Variants in VIRMA observed in about 807,000 individuals in gnomAD.
VIRMA encodes the protein vir like m6A methyltransferase associated.
A neutral mutation model predicts 182.4 loss-of-function variants in VIRMA; 65 were observed. The ratio of observed to expected loss-of-function variants is 0.36; its 90% confidence interval spans 0.29 to 0.44. The LOEUF (loss-of-function observed/expected upper bound fraction) is 0.44, where lower values mean the gene tolerates loss of function less well. VIRMA is among the 20% of genes least tolerant of loss of function. The pLI, the probability that VIRMA is intolerant of heterozygous loss-of-function variation, is 1.00. For synonymous variants in VIRMA, 709 were observed against 743.1 expected, an observed-to-expected ratio of 0.95 and a Z score of 0.75; for missense variants, 1,752 against 2,158.1, an observed-to-expected ratio of 0.81 and a Z score of 3.73.
intron 3 of VIRMA, 85 bp downstream of exon 3, chr8:94,538,175 C>G (rs568514477): frequency 1.1e-5 from 10 of 896,392 alleles, no homozygotes; most frequent in South Asian, 1.1e-4. Flanking sequence ...GCAGATACAT[C>G]CTTTTCTTCT....
In VIRMA at chr8:94,506,350, T is replaced by A. The variant is rs373850973; in HGVS notation, c.4097+150A>T. 8.7e-6 allele frequency: 5 copies of A among 576,850 alleles called. No homozygotes were observed. The Admixed American group carries it at 9.7e-5, about 11-fold the overall frequency. The allele number at this position is 576,850 out of a possible 1,614,324, so 35.7% of individuals were successfully genotyped here. ...TATTAGCATGACCTTTCATTGCTAA[T>A]TAATCTTTTCCATACACACAAAATT... On this transcript the variant is annotated intron_variant, in intron 16 of 23. Coordinates refer to ENST00000297591, the MANE Select transcript of VIRMA (RefSeq NM_015496.5).
chr8:94,531,405 T>C (rs1815168052), intron 5 of VIRMA, among the ~76,000 whole-genome samples: 1 of 152,176 alleles, frequency 6.6e-6, no homozygotes, highest in African/African-American at 2.4e-5. Flanking sequence ...AAAAATACTT[T>C]TCATCACTGG....
chr8:94,532,782 T>C (rs1359350770), intron 5 of VIRMA, among the ~76,000 whole-genome samples: 2 of 151,912 alleles, frequency 1.3e-5, no homozygotes, highest in African/African-American at 4.8e-5. Flanking sequence ...TTGGGCAACA[T>C]AGTGAGACCC....
intron 17 of VIRMA, chr8:94,496,972 T>G (rs1813801969): frequency 6.6e-6 from 1 of 152,364 alleles, no homozygotes; most frequent in Non-Finnish European, 1.5e-5. Flanking sequence ...GTGATAACAT[T>G]TCAATACCAG....
At chr8:94,499,265 T>G (rs762825679) in intron 17 of VIRMA, 109 bp downstream of exon 17, 1 of 715,886 alleles carries the variant, frequency 1.4e-6, no homozygotes, top group African/African-American at 1.8e-5. Flanking sequence ...CCCACCAGAG[T>G]GCTGAGATTA....
intron 7 of VIRMA, 94 bp downstream of exon 7, chr8:94,528,976 T>C: frequency 2.6e-6 from 4 of 1,520,140 alleles, no homozygotes; most frequent in Non-Finnish European, 3.6e-6. Flanking sequence ...TTGGAACCCA[T>C]TTATCTTTGC....
At chr8:94,508,522 G>A (rs1383957150) in intron 15 of VIRMA, among the ~76,000 whole-genome samples, 1 of 152,118 alleles carries the variant, frequency 6.6e-6, no homozygotes. Context: ...ACAGCAAAGT[G>A]AGGCCATCAA....
rs1473949708 is a variant in VIRMA, at chr8:94,511,672, C to A, written c.2903G>T (p.Gly968Val). The A allele has an allele frequency of 6.2e-7, 1 of 1,613,928 alleles. No individual in the cohort carries two copies. Among genetic ancestry groups the A allele is most frequent in the South Asian group, 1.1e-5 (1 of 91,074 alleles). The change falls in exon 13 of 24, where the codon GGA becomes GTA. Residue 968 changes from glycine (G) to valine (V), a missense_variant. Gly to Val is a moderately radical substitution (Grantham distance 109, BLOSUM62 -3). Transcript: ENST00000297591. ...CAGAACTCGAATAAACGTGTCCATT[C>A]CTTCAGCAGAAAAAAGCTGAATAAC... is the stretch of plus-strand genomic sequence containing the variant. ...LAVIQLFSAE[G>V]MDTFIRVLQK...
chr8:94,534,774 A>G, intron 5 of VIRMA, 65 bp downstream of exon 5: 1 of 1,508,188 alleles, frequency 6.6e-7, no homozygotes. Flanking sequence ...TGCTCTTCGA[A>G]TTATTTTTTT....
intron 22 of VIRMA, among the ~76,000 whole-genome samples, chr8:94,490,573 C>T (rs775909854): frequency 6.6e-6 from 1 of 152,158 alleles, no homozygotes; most frequent in Non-Finnish European, 1.5e-5. Context: ...AGGCCAGGTG[C>T]AGTGGCTCAC....
At chr8:94,517,359 C>T (rs748309865) in intron 10 of VIRMA, among the ~76,000 whole-genome samples, 4 of 152,186 alleles carry the variant, frequency 2.6e-5, no homozygotes, top group Non-Finnish European at 5.9e-5. Context: ...TGTGCCAGCA[C>T]GCCCAGCTAA....
intron 13 of VIRMA, 174 bp downstream of exon 13, chr8:94,511,011 C>G: frequency 7.1e-7 from 1 of 1,402,232 alleles, no homozygotes; most frequent in Non-Finnish European, 9.3e-7. Flanking sequence ...AAATGTTACC[C>G]CCATATTTCC....
chr8:94,542,551 A>G (rs1586111701), intron 2 of VIRMA, among the ~76,000 whole-genome samples: 1 of 152,262 alleles, frequency 6.6e-6, no homozygotes, highest in Admixed American at 6.5e-5. Context: ...TGGAACAATA[A>G]ATGACAAACT....
chr8:94,542,833 A>AT (rs1353560311), intron 2 of VIRMA, among the ~76,000 whole-genome samples: 1 of 152,144 alleles, frequency 6.6e-6, no homozygotes, highest in Non-Finnish European at 1.5e-5. Context: ...ATAATGAACT[A>AT]TTTTCCACAA....
Position 94,520,139 on chromosome 8 carries a change from A to G in VIRMA, c.2022-663T>C, listed in dbSNP as rs1469839700. Among the ~76,000 whole-genome samples the G allele has an allele frequency of 1.3e-4, 18 of 142,892 alleles. No homozygotes were observed. The Admixed American group carries it at 1.3e-3, about 11-fold the overall frequency. 93.7% of individuals were successfully genotyped at this position (142,892 alleles called of 152,430 possible). ...GCCCAGGGAGGTCAATGCTGCGGTG[A>G]GCCATGATTGCTCCACTGCACTCCA... On this transcript the variant is annotated intron_variant, in intron 8 of 23. Transcript: ENST00000297591.
At position 94,515,349 on chromosome 8, in the gene VIRMA, C is replaced by T. The variant is rs554103836; in HGVS notation, c.2669-398G>A. On this transcript the variant is annotated intron_variant, in intron 10 of 23. Transcript: ENST00000297591. ...TGACCTCGTGATCCGCCCGCCTCAG[C>T]CTCCCAAAGTGCTGGGATTACAACT... is the stretch of plus-strand genomic sequence containing the variant. Among the ~76,000 whole-genome samples, 3 of 152,156 alleles carry T rather than the reference C, an allele frequency of 2.0e-5. No individual in the cohort carries two copies. The East Asian group carries it at 5.8e-4, about 29-fold the overall frequency.
intron 1 of VIRMA, among the ~76,000 whole-genome samples, chr8:94,548,091 T>C (rs1380923033): frequency 6.0e-5 from 9 of 149,394 alleles, no homozygotes; most frequent in Admixed American, 6.0e-4. Flanking sequence ...TAAAAAAGGA[T>C]ATTATATAGA....
In VIRMA at chr8:94,488,426, T is replaced by C. The variant is rs148000442; in HGVS notation, c.*280A>G. ...TGAGAAAGTTTGAGAATATCTGTGC[T>C]ATAGGCAAGAAAAATACAAAACATC... On this transcript the variant is annotated 3_prime_UTR_variant, in exon 24 of 24. Coordinates refer to ENST00000297591, the MANE Select transcript of VIRMA (RefSeq NM_015496.5). 6.1e-4 allele frequency: 178 copies of C among 291,978 alleles called. No individual in the cohort carries two copies. Among genetic ancestry groups the C allele is most frequent in the South Asian group, 1.7e-3 (28 of 16,230 alleles). The allele number at this position is 291,978 out of a possible 1,614,324, so 18.1% of individuals were successfully genotyped here.
intron 15 of VIRMA, among the ~76,000 whole-genome samples, chr8:94,507,214 C>T (rs1197799654): frequency 6.6e-6 from 1 of 150,736 alleles, no homozygotes; most frequent in Admixed American, 6.6e-5. Flanking sequence ...CGGCTCACTG[C>T]AACCTTCGCC....
Sources: gnomAD v4.1 joint callset for allele counts (sites outside exome capture counted in the v4.1 genomes callset) on GRCh38, gnomAD v4.1.1 for gene constraint, MANE v1.5 for transcripts, NCBI Gene and HGNC (gene_info 2026-07-23, HGNC 2026-07-21) for gene names.